The following EIF2AK2 variants were observed in gnomAD, a reference collection of about 807,000 sequenced individuals.
The protein encoded by EIF2AK2 is eukaryotic translation initiation factor 2 alpha kinase 2, also known as interferon-induced, double-stranded RNA-activated protein kinase.
In EIF2AK2, 40 loss-of-function variants were observed where a neutral mutation model predicts 70.5. The ratio of observed to expected loss-of-function variants is 0.57; its 90% CI spans 0.44 to 0.74. The LOEUF (loss-of-function observed/expected upper bound fraction) is 0.74, where lower values mean the gene tolerates loss of function less well. Ranked by LOEUF, EIF2AK2 falls within the 30% of genes least tolerant of loss-of-function variation. EIF2AK2 has a pLI of 0.00. For missense variants in EIF2AK2, 555 were observed against 644.3 expected (o/e 0.86, Z 1.50); for synonymous variants, 198 against 220.9 (o/e 0.90, Z 0.92).
At chr2:37,128,672 A>ATTACCACTT (rs1427629814) in intron 10 of EIF2AK2, among the ~76,000 whole-genome samples, 2 of 152,236 alleles carry the variant, frequency 1.3e-5, no homozygotes, top group Non-Finnish European at 2.9e-5. Flanking sequence ...CATCTTTGAC[A>ATTACCACTT]GAACAGGAGC....
rs1553340565 is a variant in EIF2AK2, at chr2:37,153,337, CT to C, written c.-184+3570del. On this transcript the variant is annotated intron_variant, in intron 1 of 16. Transcript: ENST00000233057. ...CCCAGTCCTTTCAGTCTCTGCTAAT[CT>C]TTTTTTTTTTTTTTTTTTTTGAGAC... Among the ~76,000 whole-genome samples, 592 of 109,880 alleles carry C rather than the reference CT, an allele frequency of 5.4e-3. 8 individuals carry two copies. The highest frequency in any genetic ancestry group is 0.014 in the African/African-American group (423 of 30,256). The allele number at this position is 109,880 out of a possible 152,430, so 72.1% of individuals were successfully genotyped here.
rs914314440 is a variant in EIF2AK2, at chr2:37,156,016, G to A, written c.-184+892C>T. On this transcript the variant is annotated intron_variant, in intron 1 of 16. Coordinates refer to ENST00000233057, the MANE Select transcript of EIF2AK2 (RefSeq NM_001135651.3). ...TACTATGTTGACAACCGAAGTAGTG[G>A]AAGGGGGAACAGCAAGGGCAGAGCG... Among the ~76,000 whole-genome samples, 6 of 152,162 alleles carry A rather than the reference G, an allele frequency of 3.9e-5. No homozygotes were observed. The South Asian group carries it at 1.2e-3, about 32-fold the overall frequency.
intron 1 of EIF2AK2, among the ~76,000 whole-genome samples, chr2:37,154,834 T>A (rs1675867701): frequency 6.6e-6 from 1 of 152,192 alleles, no homozygotes; most frequent in Non-Finnish European, 1.5e-5. Context: ...AGTGCTGCGA[T>A]TACAGGCATG....
intron 12 of EIF2AK2, among the ~76,000 whole-genome samples, chr2:37,122,190 T>G (rs1674577532): frequency 6.6e-6 from 1 of 152,064 alleles, no homozygotes; most frequent in Non-Finnish European, 1.5e-5. Context: ...AAGACTACAC[T>G]TAAACAGCCT....
In EIF2AK2 at chr2:37,107,074, G is replaced by A. The variant is rs1673987606; in HGVS notation, c.*199C>T. On this transcript the variant is annotated 3_prime_UTR_variant, in exon 17 of 17. Coordinates refer to ENST00000233057, the MANE Select transcript of EIF2AK2 (RefSeq NM_001135651.3). ...AAAAAAAGAATAAAGAGATGAGCCA[G>A]GAAAAAGTAAAATGTAAGAATGTTT... 6.0e-6 allele frequency: 4 copies of A among 664,852 alleles called. No homozygotes were observed. In the Admixed American group the frequency reaches 1.2e-4, roughly 19 times the overall value. The allele number at this position is 664,852 out of a possible 1,614,324, so 41.2% of individuals were successfully genotyped here. A position where few individuals can be genotyped will look rare whatever the true frequency, so the allele number is the denominator to read the frequency against.
intron 1 of EIF2AK2, among the ~76,000 whole-genome samples, chr2:37,153,234 C>T (rs529361350): frequency 6.6e-5 from 10 of 152,034 alleles, no homozygotes; most frequent in South Asian, 2.1e-4. Context: ...GTTGTGTAGC[C>T]GCCACCACAT....
chr2:37,137,486 G>T (rs907158176), intron 8 of EIF2AK2, among the ~76,000 whole-genome samples: 4 of 152,096 alleles, frequency 2.6e-5, no homozygotes, highest in African/African-American at 9.7e-5. Context: ...TTGTTTGTTT[G>T]TTTTTGCGAT....
At chr2:37,111,791 G>A (rs1200718281) in intron 14 of EIF2AK2, among the ~76,000 whole-genome samples, 4 of 145,578 alleles carry the variant, frequency 2.7e-5, no homozygotes, top group East Asian at 4.0e-4. Context: ...CAAGGAGGTC[G>A]AGGCTGCGCA....
At chr2:37,149,335 G>C (rs1675663980) in intron 1 of EIF2AK2, 4 of 774,574 alleles carry the variant, frequency 5.2e-6, no homozygotes, top group South Asian at 1.6e-5. Flanking sequence ...GGCCTTTAAA[G>C]GTCTTTATTT....
Position 37,147,677 on chromosome 2 carries a change from T to C in EIF2AK2, c.119+11A>G, listed in dbSNP as rs201828910. The C allele has an allele frequency of 2.0e-5, 32 of 1,572,332 alleles. No homozygotes were observed. The highest frequency in any genetic ancestry group is 2.4e-5 in the Non-Finnish European group (28 of 1,144,274). ...TTTATGGCTGCCATATCATTTTTTA[T>C]AGCAACCTACCTCCTATCATGTGGA... On this transcript the variant is annotated intron_variant, in intron 3 of 16. Coordinates refer to ENST00000233057, the MANE Select transcript of EIF2AK2 (RefSeq NM_001135651.3).
intron 3 of EIF2AK2, among the ~76,000 whole-genome samples, chr2:37,147,403 C>T (rs1675585066): frequency 6.6e-6 from 1 of 151,214 alleles, no homozygotes; most frequent in Admixed American, 6.6e-5. Flanking sequence ...TGTTGGTGTG[C>T]TGCACCCATT....
intron 13 of EIF2AK2, among the ~76,000 whole-genome samples, chr2:37,115,494 G>A (rs1674311252): frequency 6.6e-6 from 1 of 152,072 alleles, no homozygotes; most frequent in African/African-American, 2.4e-5. Flanking sequence ...ACTATAGGGT[G>A]GAAATGACCT....
chr2:37,115,682 TTC>T (rs1674317882), intron 13 of EIF2AK2, among the ~76,000 whole-genome samples: 1 of 152,020 alleles, frequency 6.6e-6, no homozygotes, highest in African/African-American at 2.4e-5. Flanking sequence ...AACTTTGAGA[TTC>T]TCGGAATGGG....
At chr2:37,130,093 A>T (rs1558419082) in intron 10 of EIF2AK2, among the ~76,000 whole-genome samples, 1 of 151,938 alleles carries the variant, frequency 6.6e-6, no homozygotes, top group Non-Finnish European at 1.5e-5. Context: ...TTTGGCTGCC[A>T]ATATTTTATT....
chr2:37,131,830 G>C (rs1674950249), intron 10 of EIF2AK2, among the ~76,000 whole-genome samples: 1 of 151,904 alleles, frequency 6.6e-6, no homozygotes, highest in Admixed American at 6.6e-5. Context: ...TTGCCTTTGG[G>C]CACATCCTCC....
intron 14 of EIF2AK2, among the ~76,000 whole-genome samples, chr2:37,111,878 AATATATATATATATAT>A (rs869140054): frequency 3.3e-4 from 23 of 69,126 alleles, no homozygotes; most frequent in African/African-American, 5.6e-4. Flanking sequence ...AAAAAAAAAA[AATATATATATATATAT>A]ATATATATAT....
chr2:37,116,222 AT>A (rs1241674835), intron 13 of EIF2AK2, among the ~76,000 whole-genome samples: 1 of 151,630 alleles, frequency 6.6e-6, no homozygotes, highest in Admixed American at 6.6e-5. Flanking sequence ...GACCAATATT[AT>A]TTTTGTTTGT....
intron 11 of EIF2AK2, among the ~76,000 whole-genome samples, chr2:37,123,265 A>G (rs570444302): frequency 1.4e-4 from 21 of 152,210 alleles, no homozygotes; most frequent in Non-Finnish European, 2.6e-4. Context: ...TGTCATTTTA[A>G]TTAATTTATT....
rs200701032 is a variant in EIF2AK2, at chr2:37,107,389, G to A, written c.1540C>T (p.Leu514Phe). The change falls in exon 17 of 17, where the codon CTT (leucine) becomes TTT (phenylalanine). Residue 514 changes from leucine to phenylalanine, a missense_variant. By Grantham distance (22) the Leu-to-Phe change is conservative. Around this residue, in one of 3 missense-constraint regions of EIF2AK2, gnomAD observed 299 missense variants for 375.4 expected, o/e 0.80. Coordinates refer to ENST00000233057, the MANE Select transcript of EIF2AK2 (RefSeq NM_001135651.3). ...SDIFDKKEKT[L>F]LQKLLSKKPE... ...TTCTTTGAGAGTAATTTCTGTAGAA[G>A]AGTTTTCTGCAATGACAGTGAGAGT... 4 of 1,613,452 alleles carry A rather than the reference G, an allele frequency of 2.5e-6. No homozygotes were observed. The highest frequency in any genetic ancestry group is 3.4e-6 in the Non-Finnish European group (4 of 1,179,914).
Sources: gnomAD v4.1 joint callset for allele counts (sites outside exome capture counted in the v4.1 genomes callset) on GRCh38, gnomAD v4.1.1 for gene constraint, gnomAD v4.1.1 regional missense constraint, MANE v1.5 for transcripts, NCBI Gene and HGNC (gene_info 2026-07-23, HGNC 2026-07-21) for gene names.